The following GLI3 variants were observed in gnomAD, a reference collection of about 807,000 sequenced individuals.
The protein encoded by GLI3 is GLI family zinc finger 3, also known as transcription activator GLI3.
Under a neutral mutation model 100.8 loss-of-function variants are expected in GLI3, and 20 were observed. That is an observed-to-expected ratio of 0.20 (90% CI 0.14 to 0.29). The LOEUF (loss-of-function observed/expected upper bound fraction) is 0.29. Among genes scored for constraint, GLI3 ranks in the 10% least tolerant of loss-of-function variants. The probability of loss-of-function intolerance (pLI) is 1.00; values close to 1 mark genes in which losing one functional copy is unlikely to be tolerated. For synonymous variants in GLI3, 938 were observed against 860.5 expected (o/e 1.09, Z -1.58); for missense variants, 2,040 against 2,128.5 (o/e 0.96, Z 0.82).
intron 3 of GLI3, among the ~76,000 whole-genome samples, chr7:42,100,162 C>T (rs10254362): frequency 0.3 from 45,994 of 152,182 alleles, 7,094 homozygotes; most frequent in Middle Eastern, 0.4. Flanking sequence ...GAGCTGAAAA[C>T]AAAGACTTGG....
intron 2 of GLI3, among the ~76,000 whole-genome samples, chr7:42,207,292 G>A (rs891285327): frequency 2.3e-4 from 35 of 152,150 alleles, no homozygotes; most frequent in African/African-American, 4.6e-4. Context: ...TCAACAGAGC[G>A]TTTCTTTCTT....
At chr7:42,095,869 G>C (rs1477135104) in intron 3 of GLI3, among the ~76,000 whole-genome samples, 1 of 152,174 alleles carries the variant, frequency 6.6e-6, no homozygotes, top group Non-Finnish European at 1.5e-5. Flanking sequence ...GGTGACATCA[G>C]AGTTAGTGAT....
chr7:42,060,016 T>C (rs1363439094), intron 4 of GLI3, among the ~76,000 whole-genome samples: 1 of 152,242 alleles, frequency 6.6e-6, no homozygotes, highest in Non-Finnish European at 1.5e-5. Flanking sequence ...GGGCTTAGGT[T>C]TGCCTGTTGG....
intron 12 of GLI3, among the ~76,000 whole-genome samples, chr7:41,975,439 G>C (rs1225212070): frequency 6.6e-6 from 1 of 152,166 alleles, no homozygotes; most frequent in African/African-American, 2.4e-5. Flanking sequence ...ATGTCCATCA[G>C]TCACACACAG....
At chr7:42,091,512 C>T (rs1785217782) in intron 3 of GLI3, among the ~76,000 whole-genome samples, 1 of 152,234 alleles carries the variant, frequency 6.6e-6, no homozygotes. Flanking sequence ...TCTCTTGCTG[C>T]CACTGGGGCC....
intron 10 of GLI3, among the ~76,000 whole-genome samples, chr7:42,007,393 A>T (rs1021827785): frequency 6.6e-6 from 1 of 152,138 alleles, no homozygotes; most frequent in Non-Finnish European, 1.5e-5. Context: ...ACTGCAGTTT[A>T]AAAAAAGTGA....
At chr7:42,157,318 G>A (rs554596795) in intron 2 of GLI3, among the ~76,000 whole-genome samples, 36 of 152,356 alleles carry the variant, frequency 2.4e-4, no homozygotes, top group African/African-American at 8.2e-4. Context: ...CTTCTAGTGA[G>A]TTAGCCACAA....
At chr7:42,158,626 G>C (rs1238845836) in intron 2 of GLI3, among the ~76,000 whole-genome samples, 2 of 151,680 alleles carry the variant, frequency 1.3e-5, no homozygotes, top group Non-Finnish European at 2.9e-5. Context: ...AGTAGCATGA[G>C]AGAGAGAGAG....
chr7:42,145,269 C>G, intron 3 of GLI3: 1 of 277,984 alleles, frequency 3.6e-6, no homozygotes, highest in Non-Finnish European at 6.6e-6. Context: ...GATGCTGAGG[C>G]TTAGTTTAGG....
Position 42,141,349 on chromosome 7 carries a change from T to C in GLI3, c.367+6877A>G, listed in dbSNP as rs538135481. On this transcript the variant is annotated intron_variant, in intron 3 of 14. Transcript: ENST00000395925. ...TACGGTCCCCATCCAAGTCTATGAG[T>C]GAAATGCCAGCTTATTCCAAAGAAT... Among the ~76,000 whole-genome samples, 6 of 152,212 alleles carry C rather than the reference T, an allele frequency of 3.9e-5. No homozygotes were observed. In the South Asian group the frequency reaches 1.2e-3, roughly 32 times the overall value.
chr7:42,060,916 A>G (rs540467754), intron 4 of GLI3, among the ~76,000 whole-genome samples: 9 of 152,320 alleles, frequency 5.9e-5, no homozygotes, highest in Admixed American at 1.3e-4. Context: ...AATACACATC[A>G]AGTGTAAGGG....
chr7:42,132,321 C>T (rs846379), intron 3 of GLI3, among the ~76,000 whole-genome samples: 18 of 151,484 alleles, frequency 1.2e-4, no homozygotes, highest in East Asian at 3.9e-4. Context: ...AGGATGGTCT[C>T]GATCTCCTGA....
chr7:42,109,009 T>C (rs977584601), intron 3 of GLI3, among the ~76,000 whole-genome samples: 3 of 151,972 alleles, frequency 2.0e-5, no homozygotes, highest in Non-Finnish European at 2.9e-5. Context: ...CAAGAAATCC[T>C]GTCCCCTCCA....
chr7:41,978,169 CA>C (rs1476539672), intron 11 of GLI3, among the ~76,000 whole-genome samples: 1 of 152,228 alleles, frequency 6.6e-6, no homozygotes, highest in Non-Finnish European at 1.5e-5. Flanking sequence ...GAAGAATGCA[CA>C]ACCTTGCGGC....
intron 2 of GLI3, among the ~76,000 whole-genome samples, chr7:42,212,409 C>A (rs541690872): frequency 6.6e-6 from 1 of 152,188 alleles, no homozygotes; most frequent in Admixed American, 6.5e-5. Context: ...AATATCTTCA[C>A]ACCCACATAT....
At chr7:42,013,576 T>C (rs866493240) in intron 10 of GLI3, among the ~76,000 whole-genome samples, 93 of 152,222 alleles carry the variant, frequency 6.1e-4, no homozygotes, top group Non-Finnish European at 6.2e-4. Context: ...TCTTGCTATG[T>C]TGCCCAGGAT....
chr7:42,258,054 C>G (rs17755316), intron 1 of GLI3, among the ~76,000 whole-genome samples: 1 of 151,856 alleles, frequency 6.6e-6, no homozygotes, highest in African/African-American at 2.4e-5. Flanking sequence ...ATTCTTTACA[C>G]GCTGGATTTT....
At chr7:41,987,155 G>A (rs991595581) in intron 10 of GLI3, among the ~76,000 whole-genome samples, 11 of 150,038 alleles carry the variant, frequency 7.3e-5, no homozygotes, top group Non-Finnish European at 1.3e-4. Flanking sequence ...TTGAGTCAAA[G>A]TGGAACCTAT....
intron 8 of GLI3, among the ~76,000 whole-genome samples, 190 bp from the exon 9 acceptor site, chr7:42,025,567 C>A (rs913283283): frequency 6.6e-6 from 1 of 152,168 alleles, no homozygotes; most frequent in East Asian, 1.9e-4. Context: ...TACGTTCATG[C>A]GGCAGCTCTT....
Sources: gnomAD v4.1 joint callset for allele counts (sites outside exome capture counted in the v4.1 genomes callset) on GRCh38, gnomAD v4.1.1 for gene constraint, MANE v1.5 for transcripts, NCBI Gene and HGNC (gene_info 2026-07-23, HGNC 2026-07-21) for gene names.